The following ROR1 variants were observed in gnomAD, a reference collection of about 807,000 sequenced individuals.
ROR1 encodes ROR family WNT receptor 1.
ROR1 carries 19 observed loss-of-function variants against 78.8 expected under a neutral mutation model. The observed-to-expected ratio is 0.24, with a 90% CI of 0.17 to 0.35. The LOEUF (loss-of-function observed/expected upper bound fraction) is 0.35, where lower values mean the gene tolerates loss of function less well. ROR1 is among the 10% of genes least tolerant of loss of function. The probability of loss-of-function intolerance (pLI) is 1.00; values close to 1 mark genes in which losing one functional copy is unlikely to be tolerated. For synonymous variants in ROR1, 386 were observed against 433.6 expected (o/e 0.89, Z 1.36); for missense variants, 917 against 1,177.8 (o/e 0.78, Z 3.24).
intron 1 of ROR1, among the ~76,000 whole-genome samples, chr1:63,942,382 A>G (rs1187919457): frequency 6.6e-6 from 1 of 151,776 alleles, no homozygotes; most frequent in Non-Finnish European, 1.5e-5. Context: ...TGTTAATACT[A>G]CTTTTAACCA....
At chr1:64,046,931 G>A (rs1024740158) in intron 2 of ROR1, among the ~76,000 whole-genome samples, 1 of 152,214 alleles carries the variant, frequency 6.6e-6, no homozygotes, top group Non-Finnish European at 1.5e-5. Flanking sequence ...TTAGCATACA[G>A]GTGAATACTA....
chr1:63,892,679 G>A (rs995963356), intron 1 of ROR1, among the ~76,000 whole-genome samples: 5 of 152,144 alleles, frequency 3.3e-5, no homozygotes, highest in Admixed American at 2.6e-4. Context: ...CTGGACAGCA[G>A]TCTTGGGTTT....
intron 7 of ROR1, among the ~76,000 whole-genome samples, chr1:64,143,671 C>T (rs569331996): frequency 2.6e-5 from 4 of 152,202 alleles, no homozygotes; most frequent in South Asian, 4.1e-4. Context: ...CTTACTCATC[C>T]GAGCATGGGG....
chr1:63,823,597 G>A (rs1049083060), intron 1 of ROR1, among the ~76,000 whole-genome samples: 7 of 151,604 alleles, frequency 4.6e-5, no homozygotes, highest in Admixed American at 3.9e-4. Flanking sequence ...CTAGGAGTCC[G>A]TGCCACCACA....
chr1:63,948,751 G>C (rs1645910698), intron 1 of ROR1, among the ~76,000 whole-genome samples: 1 of 152,158 alleles, frequency 6.6e-6, no homozygotes, highest in Admixed American at 6.5e-5. Flanking sequence ...CCTTATAAAA[G>C]AAGGCCCAGA....
intron 2 of ROR1, among the ~76,000 whole-genome samples, chr1:64,012,573 A>G (rs1646484719): frequency 6.6e-6 from 1 of 152,216 alleles, no homozygotes; most frequent in Admixed American, 6.5e-5. Flanking sequence ...AATGAAAACC[A>G]CAAAACAACA....
In ROR1 at chr1:64,177,770, A is replaced by G. The variant is rs142231029; in HGVS notation, c.1729A>G (p.Ser577Gly). 4.3e-6 allele frequency: 7 copies of G among 1,614,146 alleles called. No homozygotes were observed. Among genetic ancestry groups the G allele is most frequent in the Non-Finnish European group, 5.9e-6 (7 of 1,179,992 alleles). ...CCCACACTCTGATGTTGGCTGCAGC[A>G]GTGATGAAGATGGGACTGTGAAATC... ...RSPHSDVGCSSDEDGTVKSSL... is the reference protein window; with the variant it reads ...RSPHSDVGCSGDEDGTVKSSL... The change falls in exon 9 of 9, where the codon AGT becomes GGT. Residue 577 changes from serine (S) to glycine (G), a missense_variant. By Grantham distance (56) the Ser-to-Gly change is moderately conservative. This residue lies in a region of ROR1 where 835 missense variants were observed against 1,069.8 expected (regional missense o/e 0.78). Coordinates refer to ENST00000371079, the MANE Select transcript of ROR1 (RefSeq NM_005012.4).
At chr1:63,921,695 A>T (rs1449881238) in intron 1 of ROR1, among the ~76,000 whole-genome samples, 1 of 151,456 alleles carries the variant, frequency 6.6e-6, no homozygotes, top group East Asian at 1.9e-4. Flanking sequence ...GTGGGGTGGG[A>T]GGCTAGAAGT....
chr1:63,855,654 CTT>C (rs541445354), intron 1 of ROR1, among the ~76,000 whole-genome samples: 5 of 144,112 alleles, frequency 3.5e-5, no homozygotes, highest in Non-Finnish European at 4.6e-5. Flanking sequence ...TGATGTAGCT[CTT>C]TTTTTTTTTT....
At chr1:63,875,777 T>A (rs1645280980) in intron 1 of ROR1, among the ~76,000 whole-genome samples, 1 of 152,170 alleles carries the variant, frequency 6.6e-6, no homozygotes, top group South Asian at 2.1e-4. Flanking sequence ...GCTTCCTTGA[T>A]CACTTCTCTC....
At chr1:63,916,592 T>C (rs1313664928) in intron 1 of ROR1, among the ~76,000 whole-genome samples, 2 of 152,244 alleles carry the variant, frequency 1.3e-5, no homozygotes, top group Admixed American at 1.3e-4. Flanking sequence ...CAGTGTAATT[T>C]GCCTTTGCCC....
intron 1 of ROR1, among the ~76,000 whole-genome samples, chr1:63,924,953 T>TTTTA (rs1442636040): frequency 2.7e-5 from 4 of 149,602 alleles, no homozygotes; most frequent in Non-Finnish European, 5.9e-5. Flanking sequence ...TTTTTTTTTT[T>TTTTA]TTTAAGAAAA....
At chr1:64,093,791 T>A (rs550884014) in intron 4 of ROR1, among the ~76,000 whole-genome samples, 16 of 152,108 alleles carry the variant, frequency 1.1e-4, no homozygotes, top group Non-Finnish European at 2.1e-4. Flanking sequence ...AATCTTCCTC[T>A]CCACCCCTCT....
At chr1:63,809,944 A>T (rs1420683461) in intron 1 of ROR1, among the ~76,000 whole-genome samples, 1 of 152,186 alleles carries the variant, frequency 6.6e-6, no homozygotes, top group African/African-American at 2.4e-5. Flanking sequence ...TTACCAGAGA[A>T]ATTTCATAAA....
chr1:63,892,114 T>C (rs927401940), intron 1 of ROR1, among the ~76,000 whole-genome samples: 3 of 152,208 alleles, frequency 2.0e-5, no homozygotes, highest in Non-Finnish European at 4.4e-5. Flanking sequence ...TTAATTCACT[T>C]CTAATGGACC....
At chr1:63,868,702 A>G (rs950807395) in intron 1 of ROR1, among the ~76,000 whole-genome samples, 4 of 152,146 alleles carry the variant, frequency 2.6e-5, no homozygotes, top group Non-Finnish European at 5.9e-5. Flanking sequence ...AGTTCAGGGG[A>G]GGCAGTCTCC....
chr1:64,006,989 A>G (rs1008625487), intron 1 of ROR1, among the ~76,000 whole-genome samples: 3 of 152,082 alleles, frequency 2.0e-5, no homozygotes, highest in African/African-American at 7.2e-5. Flanking sequence ...AATACGAAAA[A>G]TGTGCTTATC....
chr1:64,018,813 C>T (rs834485), intron 2 of ROR1, among the ~76,000 whole-genome samples: 47,391 of 151,930 alleles, frequency 0.31, 7,811 homozygotes, highest in South Asian at 0.47. Context: ...AATCAGAATA[C>T]GGGAGCCGAA....
intron 1 of ROR1, among the ~76,000 whole-genome samples, chr1:63,878,083 T>C (rs947428440): frequency 6.6e-6 from 1 of 152,128 alleles, no homozygotes; most frequent in Non-Finnish European, 1.5e-5. Flanking sequence ...TTTTTCTCCT[T>C]TACATCTGCT....
Sources: allele counts gnomAD v4.1 joint callset (sites outside exome capture counted in the v4.1 genomes callset), GRCh38; gene constraint gnomAD v4.1.1; regional missense constraint gnomAD v4.1.1; transcripts MANE v1.5; gene names NCBI Gene and HGNC (gene_info 2026-07-23, HGNC 2026-07-21).